TNNI3K: variants seen among roughly 807,000 people sequenced by gnomAD.
TNNI3K encodes the protein serine/threonine-protein kinase TNNI3K.
Under a neutral mutation model 114.5 loss-of-function variants are expected in TNNI3K, and 140 were observed. The observed-to-expected ratio is 1.22, with a 90% CI of 1.07 to 1.41. The LOEUF (loss-of-function observed/expected upper bound fraction) is 1.41. TNNI3K is among the 40% of genes most tolerant of loss of function. TNNI3K has a pLI of 0.00. For missense variants in TNNI3K, 1,125 were observed against 1,007.6 expected (o/e 1.12, Z -1.58); for synonymous variants, 347 against 347.5 (o/e 1.00, Z 0.02).
chr1:74,448,569 T>C (rs972722015), intron 20 of TNNI3K, among the ~76,000 whole-genome samples: 6 of 142,848 alleles, frequency 4.2e-5, no homozygotes, highest in African/African-American at 1.7e-4. Flanking sequence ...TTCCAGTTTT[T>C]GCCCATTCAG....
At chr1:74,336,620 G>A (rs1010916661) in intron 7 of TNNI3K, among the ~76,000 whole-genome samples, 21 of 151,144 alleles carry the variant, frequency 1.4e-4, no homozygotes, top group African/African-American at 2.4e-4. Flanking sequence ...TTGTTCTTGC[G>A]ATAGTTTACT....
chr1:74,471,539 A>C (rs186169678), intron 21 of TNNI3K: 1 of 400,664 alleles, frequency 2.5e-6, no homozygotes, highest in African/African-American at 2.0e-5. Context: ...AGAACCCATG[A>C]ATTAGTAAAC....
intron 17 of TNNI3K, among the ~76,000 whole-genome samples, chr1:74,382,241 T>C (rs1406783396): frequency 1.3e-5 from 2 of 152,230 alleles, no homozygotes; most frequent in Non-Finnish European, 2.9e-5. Context: ...GTTGCTGTTA[T>C]GTCACTTGAC....
At chr1:74,247,896 G>A (rs1654681563) in intron 2 of TNNI3K, among the ~76,000 whole-genome samples, 1 of 152,172 alleles carries the variant, frequency 6.6e-6, no homozygotes, top group African/African-American at 2.4e-5. Context: ...CACGCTGCGT[G>A]CCTGCACTCC....
chr1:74,399,696 C>T (rs2100587903), intron 17 of TNNI3K, among the ~76,000 whole-genome samples: 1 of 152,222 alleles, frequency 6.6e-6, no homozygotes, highest in Non-Finnish European at 1.5e-5. Context: ...TAAAGCTAAC[C>T]CTAAGGAAAA....
In TNNI3K at chr1:74,540,716, G is replaced by C. The variant is rs75945718; in HGVS notation, c.2431+403G>C. ...ATTAAGTGTGTGTGGGTAGGGAGAG[G>C]AAAAACAAGAGATGAATTTTCACAA... On this transcript the variant is annotated intron_variant, in intron 24 of 24. Transcript: ENST00000326637. Among the ~76,000 whole-genome samples, 318 of 152,114 alleles carry C rather than the reference G, an allele frequency of 2.1e-3. 4 individuals are homozygous for C. Among genetic ancestry groups the C allele is most frequent in the African/African-American group, 7.0e-3 (291 of 41,474 alleles).
intron 6 of TNNI3K, among the ~76,000 whole-genome samples, chr1:74,332,487 A>G (rs1049985460): frequency 2.6e-5 from 4 of 152,030 alleles, no homozygotes; most frequent in African/African-American, 7.2e-5. Context: ...TATTTAGTAG[A>G]GACGGGGTTT....
intron 23 of TNNI3K, among the ~76,000 whole-genome samples, chr1:74,508,539 C>T (rs1670023170): frequency 6.6e-6 from 1 of 152,096 alleles, no homozygotes; most frequent in African/African-American, 2.4e-5. Context: ...CCACAAAAGA[C>T]AGAGAGAAAA....
Position 74,300,251 on chromosome 1 carries a change from C to T in TNNI3K, c.444+28543C>T, listed in dbSNP as rs45437294. 7.7e-3 allele frequency among the ~76,000 whole-genome samples: 1,168 copies of T among 152,262 alleles called. 15 individuals are homozygous for T. Among genetic ancestry groups the T allele is most frequent in the African/African-American group, 0.025 (1,059 of 41,560 alleles). On this transcript the variant is annotated intron_variant, in intron 5 of 24. Coordinates refer to ENST00000326637, the MANE Select transcript of TNNI3K (RefSeq NM_015978.3). ...CATTAGATCAAGTTTATGGACCACA[C>T]GATTTGTTTTTCTGTGAGAAAAAAT...
chr1:74,347,869 A>T (rs950502298), intron 9 of TNNI3K, among the ~76,000 whole-genome samples: 18 of 151,960 alleles, frequency 1.2e-4, no homozygotes, highest in South Asian at 6.2e-4. Flanking sequence ...GTAAATTTGT[A>T]TGAGTTCATT....
intron 2 of TNNI3K, among the ~76,000 whole-genome samples, chr1:74,247,878 G>T (rs1341686215): frequency 6.6e-6 from 1 of 152,190 alleles, no homozygotes; most frequent in South Asian, 2.1e-4. Context: ...GGAGCCGCCT[G>T]CCAGTCCCAC....
chr1:74,534,347 T>C (rs1557633579), intron 23 of TNNI3K, among the ~76,000 whole-genome samples: 1 of 152,202 alleles, frequency 6.6e-6, no homozygotes, highest in Non-Finnish European at 1.5e-5. Flanking sequence ...TTGGACTGCA[T>C]ACCCATCTGA....
intron 17 of TNNI3K, chr1:74,370,630 A>G (rs1281460389): frequency 9.6e-6 from 3 of 312,554 alleles, no homozygotes; most frequent in Middle Eastern, 8.5e-4. Context: ...CAAATATAGT[A>G]ATATCTGTAA....
intron 2 of TNNI3K, among the ~76,000 whole-genome samples, chr1:74,248,079 G>A (rs1654696506): frequency 6.6e-6 from 1 of 152,162 alleles, no homozygotes; most frequent in East Asian, 1.9e-4. Flanking sequence ...GGCCTGGCAA[G>A]AATTCAAGTG....
At chr1:74,354,196 A>G in intron 11 of TNNI3K, 67 bp downstream of exon 11, 1 of 1,585,996 alleles carries the variant, frequency 6.3e-7, no homozygotes, top group Non-Finnish European at 8.6e-7. Context: ...ATGTCAGTGC[A>G]TCAATAATTA....
chr1:74,449,729 A>T (rs1666900021), intron 20 of TNNI3K, among the ~76,000 whole-genome samples: 2 of 151,512 alleles, frequency 1.3e-5, no homozygotes, highest in African/African-American at 4.9e-5. Context: ...TATGCACCCA[A>T]TACAGGAGCA....
At chr1:74,305,577 G>T (rs1006079487) in intron 5 of TNNI3K, among the ~76,000 whole-genome samples, 4 of 152,152 alleles carry the variant, frequency 2.6e-5, no homozygotes, top group African/African-American at 9.7e-5. Flanking sequence ...ATGACTTTGA[G>T]CAAGGCAGCC....
intron 23 of TNNI3K, among the ~76,000 whole-genome samples, chr1:74,500,536 G>A (rs1451320760): frequency 1.4e-5 from 2 of 139,670 alleles, no homozygotes; most frequent in African/African-American, 2.6e-5. Flanking sequence ...CCCGGGAGGC[G>A]GAGCTTGCAG....
Position 74,368,291 on chromosome 1 carries a change from G to GA in TNNI3K, c.1321+333dup, listed in dbSNP as rs575995539. ...AGAATTGGGACTAGAAAACATATGT[G>GA]AAAAAATATATATTATTTTTCAAAA... On this transcript the variant is annotated intron_variant, in intron 13 of 24. Transcript: ENST00000326637. Among the ~76,000 whole-genome samples, 630 of 151,662 alleles carry GA rather than the reference G, an allele frequency of 4.2e-3. 5 individuals carry two copies. Among genetic ancestry groups the GA allele is most frequent in the African/African-American group, 0.014 (597 of 41,444 alleles).
Sources: gnomAD v4.1 joint callset for allele counts (sites outside exome capture counted in the v4.1 genomes callset) on GRCh38, gnomAD v4.1.1 for gene constraint, MANE v1.5 for transcripts, NCBI Gene and HGNC (gene_info 2026-07-23, HGNC 2026-07-21) for gene names.